Variants in DNAH10 observed in about 807,000 individuals in gnomAD.
DNAH10 encodes axonemal beta dynein heavy chain 10.
DNAH10 carries 348 observed loss-of-function variants against 506.6 expected under a neutral mutation model. The ratio of observed to expected loss-of-function variants is 0.69; its 90% CI spans 0.63 to 0.75. The LOEUF (loss-of-function observed/expected upper bound fraction) is 0.75, where lower values mean the gene tolerates loss of function less well. Among genes scored for constraint, DNAH10 ranks in the 30% least tolerant of loss-of-function variants. The pLI is 0.00. For synonymous variants in DNAH10, 2,059 were observed against 2,198.6 expected, an observed-to-expected ratio of 0.94 and a Z score of 1.78; for missense variants, 5,179 against 5,787.1, an observed-to-expected ratio of 0.89 and a Z score of 3.41.
chr12:123,769,645 A>G (rs1957175014), intron 2 of DNAH10, among the ~76,000 whole-genome samples: 2 of 152,200 alleles, frequency 1.3e-5, no homozygotes, highest in Admixed American at 6.5e-5. Flanking sequence ...CCTTTCTCAT[A>G]AAGTAAATTA....
Position 123,913,073 on chromosome 12 carries a change from CT to C in DNAH10, c.10135-20del. On this transcript the variant is annotated intron_variant, in intron 59 of 78. Transcript: ENST00000673944. This position sits in a 1 kb window ranked among gnomAD's most constrained non-coding sequence, Gnocchi z 5.1. ...GCCCCACCACGGTCCTTTTCCCCAT[CT>C]TTTTGCAAATTGTCTTCACTTAGGT... The C allele has an allele frequency of 2.5e-6, 4 of 1,587,418 alleles. No homozygotes were observed. Among genetic ancestry groups the C allele is most frequent in the East Asian group, 2.3e-5 (1 of 43,990 alleles).
Position 123,848,834 on chromosome 12 carries a change from G to C in DNAH10, c.6054G>C (p.Gln2018His), listed in dbSNP as rs1169640803. Residue 2018 changes from glutamine (Q) to histidine (H), a missense_variant, in exon 34 of 79, where the codon CAG (glutamine) becomes CAC (histidine). Gln to His is a conservative substitution (Grantham distance 24). This residue lies in a region of DNAH10 where 4,844 missense variants were observed against 5,430.5 expected (regional missense o/e 0.89). Transcript: ENST00000673944. ...CTGTGCTCTCCGTGATCTCCTCCCA[G>C]ATCCAGACGATCCGAAATGCTCTGA... is the stretch of plus-strand genomic sequence containing the variant. ...DASVLSVISS[Q>H]IQTIRNALIH... 1 of 1,613,840 alleles carries C rather than the reference G, an allele frequency of 6.2e-7. No homozygotes were observed. Among genetic ancestry groups the C allele is most frequent in the Admixed American group, 1.7e-5 (1 of 59,994 alleles).
At chr12:123,778,248 T>C (rs1021347128) in intron 5 of DNAH10, among the ~76,000 whole-genome samples, 2 of 151,348 alleles carry the variant, frequency 1.3e-5, no homozygotes, top group Admixed American at 1.3e-4. Flanking sequence ...CAAAACATGA[T>C]GTATAATTAA....
intron 39 of DNAH10, among the ~76,000 whole-genome samples, chr12:123,861,510 A>G (rs2136868812): frequency 6.6e-6 from 1 of 152,376 alleles, no homozygotes; most frequent in South Asian, 2.1e-4. Flanking sequence ...GCCGCCATCA[A>G]GCTGCCTGAT....
rs138659961 is a variant in DNAH10 at position 123,814,256 on chromosome 12, A to T, written c.3780+344A>T. The T allele has an allele frequency of 4.0e-3, 692 of 173,608 alleles. 3 individuals are homozygous for T. The highest frequency in any genetic ancestry group is 0.015 in the African/African-American group (646 of 42,164). 10.8% of individuals were successfully genotyped at this position (173,608 alleles called of 1,614,324 possible). ...ATTTAAGATAATAAAAGAAACTGGT[A>T]GAAGATAATTCAATTAGTCTTGCTT... is the stretch of plus-strand genomic sequence containing the variant. On this transcript the variant is annotated intron_variant, in intron 21 of 78. Coordinates refer to ENST00000673944, the MANE Select transcript of DNAH10 (RefSeq NM_001372106.1).
Position 123,871,609 on chromosome 12 carries a change from C to T in DNAH10, c.7785+7C>T. On this transcript the variant is annotated splice_region_variant and intron_variant, in intron 45 of 78. Transcript: ENST00000673944. ...TCTGAGTGAAGAAACTAACGTAAGT[C>T]ATTATTCATATGAATTATCTATTGC... 6.5e-7 allele frequency: 1 copy of T among 1,548,044 alleles called. No homozygotes were observed. Among genetic ancestry groups the T allele is most frequent in the African/African-American group, 1.4e-5 (1 of 73,182 alleles).
At chr12:123,822,121 C>T (rs1327449786) in intron 24 of DNAH10, among the ~76,000 whole-genome samples, 1 of 152,168 alleles carries the variant, frequency 6.6e-6, no homozygotes. Flanking sequence ...GCACAAGAAT[C>T]GCTTGAACCC....
At chr12:123,869,068 C>T (rs1056619599) in intron 43 of DNAH10, among the ~76,000 whole-genome samples, 9 of 152,238 alleles carry the variant, frequency 5.9e-5, no homozygotes, top group Admixed American at 4.6e-4. Flanking sequence ...TTTCCAGACA[C>T]CTGCTCACAG....
intron 6 of DNAH10, 58 bp downstream of exon 6, chr12:123,781,357 T>A (rs1957641442): frequency 6.8e-7 from 1 of 1,481,264 alleles, no homozygotes; most frequent in Non-Finnish European, 9.3e-7. Context: ...GTAGTTGGGA[T>A]TACAGGTGCA....
rs779461658 is a variant in DNAH10, at chr12:123,819,084, C to G, written c.3897+18C>G. 1.3e-6 allele frequency: 2 copies of G among 1,598,608 alleles called. No individual in the cohort carries two copies. Among genetic ancestry groups the G allele is most frequent in the Non-Finnish European group, 1.7e-6 (2 of 1,171,388 alleles). The stretch of plus-strand genomic sequence containing the variant: ...TCACAGAGGTACCTTTTAAATTTCA[C>G]TTCCTGAGTAAAGACATTGAAAAAC... On this transcript the variant is annotated intron_variant, in intron 22 of 78. Transcript: ENST00000673944.
In DNAH10 at chr12:123,932,075, C is replaced by T; in HGVS notation, c.13263C>T (p.Tyr4421=). The T allele has an allele frequency of 6.2e-7, 1 of 1,613,944 alleles. No individual in the cohort carries two copies. Residue 4421 remains tyrosine, a synonymous_variant, in exon 76 of 79, where the codon TAC becomes TAT. Transcript: ENST00000673944. ...TLKSLGNWMV[Y]FLRRFSQYML... ...AGTCCCTTGGAAACTGGATGGTCTA[C>T]TTCCTGCGGCGGTTCAGCCAGTACA...
At chr12:123,822,232 AATGTC>A (rs1369774592) in intron 24 of DNAH10, among the ~76,000 whole-genome samples, 1 of 152,090 alleles carries the variant, frequency 6.6e-6, no homozygotes, top group Admixed American at 6.6e-5. Flanking sequence ...AAAAGTTGCA[AATGTC>A]ATGTCATTTG....
Position 123,853,428 on chromosome 12 carries a change from G to T in DNAH10, c.6438+76G>T. The T allele has an allele frequency of 1.3e-6, 2 of 1,525,594 alleles. No homozygotes were observed. The highest frequency in any genetic ancestry group is 1.8e-6 in the Non-Finnish European group (2 of 1,132,732). The allele number at this position is 1,525,594 out of a possible 1,614,324, so 94.5% of individuals were successfully genotyped here. A position where few individuals can be genotyped will look rare whatever the true frequency, so the allele number is the denominator to read the frequency against. On this transcript the variant is annotated intron_variant, in intron 36 of 78. Coordinates refer to ENST00000673944, the MANE Select transcript of DNAH10 (RefSeq NM_001372106.1). This position sits in a 1 kb window ranked among gnomAD's most constrained non-coding sequence, Gnocchi z 4.7. ...TACTACGTGCCATTGGGGAGGTGAT[G>T]GGCACAGTATGGTATCACCTGAAAG...
At chr12:123,847,094 A>G (rs1220455767) in intron 32 of DNAH10, among the ~76,000 whole-genome samples, 5 of 147,400 alleles carry the variant, frequency 3.4e-5, no homozygotes, top group African/African-American at 1.1e-4. Context: ...CTATCTATCT[A>G]TCTAATCTAT....
chr12:123,820,434 A>G, intron 23 of DNAH10, 146 bp from the exon 24 acceptor site: 1 of 833,910 alleles, frequency 1.2e-6, no homozygotes, highest in African/African-American at 1.7e-5. Flanking sequence ...GGTTTTACTT[A>G]GAATGGTGCC....
rs1050907482 is a variant in DNAH10 at position 123,910,655 on chromosome 12, A to G, written c.10117A>G (p.Lys3373Glu). The G allele has an allele frequency of 6.2e-7, 1 of 1,613,548 alleles. No individual in the cohort carries two copies. ...CTACTGTGATGTTTTCAGAGAAATC[A>G]AGCCCAAAAGAGAGAAGGTATTGCC... ...MGYCDVFREI[K>E]PKREKVARLE... The change falls in exon 59 of 79, where the codon AAG becomes GAG. Residue 3373 changes from lysine to glutamate, a missense_variant. Coordinates refer to ENST00000673944, the MANE Select transcript of DNAH10 (RefSeq NM_001372106.1).
chr12:123,871,428 G>T (rs1291912032), intron 44 of DNAH10, 29 bp from the exon 45 acceptor site: 2 of 1,578,768 alleles, frequency 1.3e-6, no homozygotes, highest in Non-Finnish European at 1.7e-6. Context: ...GAGTTGCTGA[G>T]ATGCCCCTGT....
intron 44 of DNAH10, 95 bp from the exon 45 acceptor site, chr12:123,871,362 T>C: frequency 7.1e-7 from 1 of 1,408,642 alleles, no homozygotes; most frequent in East Asian, 2.5e-5. Context: ...CTGTTTTTTA[T>C]GGGATTTGTG....
chr12:123,866,069 A>G lies in DNAH10; in HGVS notation c.7163A>G (p.Asn2388Ser). The change falls in exon 41 of 79, where the codon AAC becomes AGC. Residue 2388 changes from asparagine to serine, a missense_variant. By Grantham distance (46) the Asn-to-Ser change is conservative. Transcript: ENST00000673944. The stretch of plus-strand genomic sequence containing the variant: ...AAAAAATGGGTTAATCAAATACCAA[A>G]CAAGGTGAAATTTTTTTCTAAAATG... The part of the protein sequence containing the change: ...YWKKWVNQIP[N>S]KVEQYNLNSL... 1 of 1,602,320 alleles carries G rather than the reference A, an allele frequency of 6.2e-7. No homozygotes were observed. The highest frequency in any genetic ancestry group is 8.5e-7 in the Non-Finnish European group (1 of 1,175,638).
Sources: gnomAD v4.1 joint callset for allele counts (sites outside exome capture counted in the v4.1 genomes callset) on GRCh38, gnomAD v4.1.1 for gene constraint, gnomAD v4.1.1 regional missense constraint, Gnocchi (gnomAD v3.1) non-coding constraint, MANE v1.5 for transcripts, NCBI Gene and HGNC (gene_info 2026-07-23, HGNC 2026-07-21) for gene names.